The following DRC11 variants were observed in gnomAD, a reference collection of about 807,000 sequenced individuals.
The protein encoded by DRC11 is IQ and AAA domain-containing protein 1.
At chr2:236,393,692 G>C in the DRC11 span, among the ~76,000 whole-genome samples, 1 of 152,226 alleles carries the variant, frequency 6.6e-6, no homozygotes, top group African/African-American at 2.4e-5. The surrounding 1 kb of genome is among the most constrained non-coding windows in gnomAD (Gnocchi z 4.7). Context: ...GTGAGACCCG[G>C]GAAAAGCTAG....
the DRC11 span, chr2:236,408,809 C>T: frequency 7.5e-6 from 5 of 664,612 alleles, no homozygotes; most frequent in African/African-American, 7.2e-5. The surrounding 1 kb of genome is among the most constrained non-coding windows in gnomAD (Gnocchi z 5.5). Flanking sequence ...TCCACATAGC[C>T]CACAATGCCC....
At chr2:236,332,970 A>C in the DRC11 span, 30,041 of 152,146 alleles carry the variant, frequency 0.2, 3,075 homozygotes, top group African/African-American at 0.26. The surrounding 1 kb of genome is among the most constrained non-coding windows in gnomAD (Gnocchi z 5.1). Flanking sequence ...CTAAAGGATC[A>C]TGAAATCCCT....
the DRC11 span, among the ~76,000 whole-genome samples, chr2:236,449,854 A>G: frequency 1.3e-5 from 2 of 152,160 alleles, no homozygotes; most frequent in Non-Finnish European, 2.9e-5. This position sits in a 1 kb window ranked among gnomAD's most constrained non-coding sequence, Gnocchi z 5.1. Context: ...TCACTTCCTG[A>G]AATAATAAGA....
the DRC11 span, among the ~76,000 whole-genome samples, chr2:236,449,974 G>A: frequency 6.6e-6 from 1 of 152,238 alleles, no homozygotes; most frequent in African/African-American, 2.4e-5. The surrounding 1 kb of genome is among the most constrained non-coding windows in gnomAD (Gnocchi z 5.1). Flanking sequence ...CAGGTGCTCA[G>A]AGACAGGCGA....
chr2:236,357,520 T>C, the DRC11 span, among the ~76,000 whole-genome samples: 3 of 125,276 alleles, frequency 2.4e-5, no homozygotes, highest in Non-Finnish European at 4.7e-5. Context: ...ATAAATATAT[T>C]TATATATTAT....
chr2:236,311,697 C>CGTGCGTGCGTGT, the DRC11 span, among the ~76,000 whole-genome samples: 2 of 138,706 alleles, frequency 1.4e-5, no homozygotes, highest in African/African-American at 5.3e-5. This position sits in a 1 kb window ranked among gnomAD's most constrained non-coding sequence, Gnocchi z 6.9. Flanking sequence ...GGATGGGGTG[C>CGTGCGTGCGTGT]GTGTGTGTGT....
the DRC11 span, among the ~76,000 whole-genome samples, chr2:236,345,567 C>T: frequency 6.6e-6 from 1 of 152,176 alleles, no homozygotes; most frequent in Non-Finnish European, 1.5e-5. Context: ...GCTATTTGTT[C>T]ATCTCTGTTT....
At chr2:236,355,128 C>T in the DRC11 span, among the ~76,000 whole-genome samples, 2 of 152,252 alleles carry the variant, frequency 1.3e-5, no homozygotes, top group Admixed American at 6.5e-5. Context: ...CCAGGACTGA[C>T]ACCGATGTTC....
the DRC11 span, among the ~76,000 whole-genome samples, chr2:236,476,088 AT>A: frequency 1.3e-5 from 2 of 151,748 alleles, no homozygotes; most frequent in Admixed American, 6.6e-5. The surrounding 1 kb of genome is among the most constrained non-coding windows in gnomAD (Gnocchi z 4.7). Flanking sequence ...GAATTTTAGA[AT>A]TTTTTTTCTA....
At chr2:236,491,673 C>T in the DRC11 span, among the ~76,000 whole-genome samples, 1 of 152,108 alleles carries the variant, frequency 6.6e-6, no homozygotes, top group Non-Finnish European at 1.5e-5. Flanking sequence ...GTGCTTCGCT[C>T]TGACTGATGC....
the DRC11 span, among the ~76,000 whole-genome samples, chr2:236,425,722 T>C: frequency 1.3e-5 from 2 of 152,020 alleles, no homozygotes; most frequent in African/African-American, 4.8e-5. Context: ...ATCAATGTCA[T>C]GGAGATTTCC....
chr2:236,491,180 T>TAC, the DRC11 span, among the ~76,000 whole-genome samples: 9 of 43,702 alleles, frequency 2.1e-4, no homozygotes, highest in East Asian at 1.5e-3. Flanking sequence ...TATATATATA[T>TAC]ACACACAGTA....
At chr2:236,497,253 G>A in the DRC11 span, 2 of 1,613,636 alleles carry the variant, frequency 1.2e-6, no homozygotes, top group Non-Finnish European at 1.7e-6. This position sits in a 1 kb window ranked among gnomAD's most constrained non-coding sequence, Gnocchi z 5.1. Context: ...GCTCCAGGAT[G>A]CGGCCCATCA....
At chr2:236,326,795 TG>T in the DRC11 span, among the ~76,000 whole-genome samples, 1 of 11,888 alleles carries the variant, frequency 8.4e-5, no homozygotes, top group Admixed American at 5.5e-4. Flanking sequence ...AGATTTGTTG[TG>T]TGTGTGTGTG....
chr2:236,413,051 C>T, the DRC11 span, among the ~76,000 whole-genome samples: 7 of 152,276 alleles, frequency 4.6e-5, no homozygotes, highest in African/African-American at 1.7e-4. The surrounding 1 kb of genome is among the most constrained non-coding windows in gnomAD (Gnocchi z 4.0). Flanking sequence ...CCTGCCATTC[C>T]ATATCCCTCA....
chr2:236,480,670 C>T, the DRC11 span, among the ~76,000 whole-genome samples: 10 of 152,130 alleles, frequency 6.6e-5, no homozygotes, highest in Admixed American at 3.9e-4. Flanking sequence ...CTTAAAATTG[C>T]TATTTGGAAT....
the DRC11 span, among the ~76,000 whole-genome samples, chr2:236,405,050 C>T: frequency 6.6e-6 from 1 of 152,146 alleles, no homozygotes; most frequent in Non-Finnish European, 1.5e-5. This position sits in a 1 kb window ranked among gnomAD's most constrained non-coding sequence, Gnocchi z 4.6. Context: ...TCAGAGGCCC[C>T]ACCTCCTAAC....
At chr2:236,344,583 T>C in the DRC11 span, 1 of 1,613,746 alleles carries the variant, frequency 6.2e-7, no homozygotes, top group South Asian at 1.1e-5. Context: ...GGAACTTTTT[T>C]GTAGAAGGTT....
At chr2:236,320,713 GT>G in the DRC11 span, among the ~76,000 whole-genome samples, 1 of 152,114 alleles carries the variant, frequency 6.6e-6, no homozygotes, top group Non-Finnish European at 1.5e-5. Flanking sequence ...ATTAATTACT[GT>G]CCCCTCCACT....
Sources: allele counts gnomAD v4.1 joint callset (sites outside exome capture counted in the v4.1 genomes callset), GRCh38; gene constraint gnomAD v4.1.1; non-coding constraint Gnocchi (gnomAD v3.1); transcripts MANE v1.5; gene names NCBI Gene and HGNC (gene_info 2026-07-23, HGNC 2026-07-21).